Variants in CDC14B observed in about 807,000 individuals in gnomAD.
CDC14B encodes cell division cycle 14B.
CDC14B carries 22 observed loss-of-function variants against 64.2 expected under a neutral mutation model. That is an observed-to-expected ratio of 0.34 (90% CI 0.24 to 0.49). CDC14B has a LOEUF of 0.49. CDC14B is among the 20% of genes least tolerant of loss of function. The pLI, the probability that CDC14B is intolerant of heterozygous loss-of-function variation, is 0.99. For missense variants in CDC14B, 498 were observed against 629.9 expected (o/e 0.79, Z 2.24); for synonymous variants, 191 against 215.8 (o/e 0.89, Z 1.01).
intron 3 of CDC14B, among the ~76,000 whole-genome samples, chr9:96,563,822 A>G (rs1375226873): frequency 6.6e-6 from 1 of 152,172 alleles, no homozygotes; most frequent in Non-Finnish European, 1.5e-5. Context: ...TTAGCTTCCT[A>G]GTCCTGCATG....
intron 7 of CDC14B, among the ~76,000 whole-genome samples, chr9:96,536,318 T>C (rs1330269826): frequency 1.3e-5 from 2 of 152,322 alleles, no homozygotes; most frequent in South Asian, 2.1e-4. Context: ...AGTGCCTATA[T>C]TATTCATTAA....
At chr9:96,560,582 C>CTTTTTTTTTTTTTTTTTTT (rs373160930) in intron 4 of CDC14B, among the ~76,000 whole-genome samples, 1 of 127,692 alleles carries the variant, frequency 7.8e-6, no homozygotes, top group African/African-American at 3.2e-5. Context: ...TTTTCTCTTT[C>CTTTTTTTTTTTTTTTTTTT]TCTTTTTTTT....
At chr9:96,540,570 A>G (rs539919148) in intron 6 of CDC14B, among the ~76,000 whole-genome samples, 1 of 152,080 alleles carries the variant, frequency 6.6e-6, no homozygotes, top group African/African-American at 2.4e-5. Context: ...GACCTATCGT[A>G]CCAGCTAATT....
intron 1 of CDC14B, chr9:96,566,836 G>T: frequency 6.3e-7 from 1 of 1,599,680 alleles, no homozygotes. Flanking sequence ...GCATCTGGAA[G>T]GCGGGGCAGA....
At chr9:96,543,450 A>C (rs1356653757) in intron 5 of CDC14B, among the ~76,000 whole-genome samples, 1 of 152,198 alleles carries the variant, frequency 6.6e-6, no homozygotes, top group Non-Finnish European at 1.5e-5. Flanking sequence ...CTGATTTTTA[A>C]AGGACAGTAA....
intron 5 of CDC14B, among the ~76,000 whole-genome samples, chr9:96,546,489 G>A (rs1050379897): frequency 6.0e-5 from 9 of 150,962 alleles, no homozygotes; most frequent in African/African-American, 1.2e-4. Context: ...CGCTCTTGTC[G>A]CCCAGGCTGG....
chr9:96,603,128 G>A (rs753538154), intron 1 of CDC14B, among the ~76,000 whole-genome samples: 5 of 149,912 alleles, frequency 3.3e-5, no homozygotes, highest in Non-Finnish European at 7.4e-5. Context: ...TGAGAATAAT[G>A]TGGTGTCATT....
At chr9:96,566,891 C>T (rs1051656436) in intron 1 of CDC14B, 5 of 1,553,388 alleles carry the variant, frequency 3.2e-6, no homozygotes, top group Non-Finnish European at 3.5e-6. Flanking sequence ...CGCGACCACA[C>T]CCCCGAAGTT....
intron 4 of CDC14B, among the ~76,000 whole-genome samples, chr9:96,552,584 G>A (rs550947489): frequency 1.7e-4 from 26 of 151,818 alleles, no homozygotes; most frequent in Middle Eastern, 3.4e-3. Flanking sequence ...TCTAGATAAC[G>A]TTCTCATGTC....
Position 96,515,566 on chromosome 9 carries a change from G to T in CDC14B, c.1344-5777C>A. ...AGGCAAACCAACAAAGCTAGGAGCT[G>T]ACAAGGAGAAAAACATGCATTGTGG... On this transcript the variant is annotated intron_variant, in intron 12 of 13. Coordinates refer to ENST00000375241, the MANE Select transcript of CDC14B (RefSeq NM_033331.4). The surrounding 1 kb of genome is among the most constrained non-coding windows in gnomAD (Gnocchi z 4.3). 7.5e-7 allele frequency: 1 copy of T among 1,328,198 alleles called. No individual in the cohort carries two copies. Among genetic ancestry groups the T allele is most frequent in the Non-Finnish European group, 1.0e-6 (1 of 1,002,790 alleles). The allele number at this position is 1,328,198 out of a possible 1,614,324, so 82.3% of individuals were successfully genotyped here.
chr9:96,512,769 C>T (rs1835089539), intron 12 of CDC14B, among the ~76,000 whole-genome samples: 1 of 152,208 alleles, frequency 6.6e-6, no homozygotes, highest in Non-Finnish European at 1.5e-5. Context: ...CAGGCCGGGG[C>T]ACTCGTGCTG....
At chr9:96,605,965 C>CT (rs1385396260) in intron 1 of CDC14B, among the ~76,000 whole-genome samples, 1 of 151,938 alleles carries the variant, frequency 6.6e-6, no homozygotes, top group East Asian at 1.9e-4. Flanking sequence ...AAAAAATTGG[C>CT]TTTTTCTAAA....
At chr9:96,580,365 G>A (rs1473171276) in intron 1 of CDC14B, among the ~76,000 whole-genome samples, 1 of 151,920 alleles carries the variant, frequency 6.6e-6, no homozygotes, top group Non-Finnish European at 1.5e-5. Context: ...CCGAGTAGCT[G>A]GGATTACAAG....
Position 96,577,652 on chromosome 9 carries a change from C to T in CDC14B, c.161-12169G>A, listed in dbSNP as rs370970664. Among the ~76,000 whole-genome samples, 7 of 152,154 alleles carry T rather than the reference C, an allele frequency of 4.6e-5. No homozygotes were observed. In the East Asian group the frequency reaches 1.2e-3, roughly 25 times the overall value. On this transcript the variant is annotated intron_variant, in intron 1 of 13. Coordinates refer to ENST00000375241, the MANE Select transcript of CDC14B (RefSeq NM_033331.4). ...ACTAATCCATGGTGCCAAGACCCCA[C>T]CGAACTCTCCCTCTATCCTGCAGCA...
chr9:96,507,064 C>A (rs1394291230), intron 13 of CDC14B, among the ~76,000 whole-genome samples: 1 of 152,184 alleles, frequency 6.6e-6, no homozygotes, highest in African/African-American at 2.4e-5. Context: ...GGGGCTGAGG[C>A]AGGTGGACCA....
intron 5 of CDC14B, among the ~76,000 whole-genome samples, chr9:96,546,960 G>C: frequency 6.6e-6 from 1 of 152,020 alleles, no homozygotes; most frequent in East Asian, 2.0e-4. Context: ...TACTTGGGAG[G>C]CTGAGGCAGG....
At chr9:96,533,845 TA>T in intron 9 of CDC14B, 81 bp downstream of exon 9, 1 of 817,534 alleles carries the variant, frequency 1.2e-6, no homozygotes, top group Non-Finnish European at 1.8e-6. Flanking sequence ...TTCTGACACA[TA>T]AACTAAATGA....
At chr9:96,612,587 T>C (rs1847390505) in intron 1 of CDC14B, among the ~76,000 whole-genome samples, 1 of 152,266 alleles carries the variant, frequency 6.6e-6, no homozygotes, top group African/African-American at 2.4e-5. Flanking sequence ...GCCTAGTGGC[T>C]AGCTTAGCTG....
intron 9 of CDC14B, among the ~76,000 whole-genome samples, chr9:96,531,915 T>TC (rs1488375502): frequency 1.3e-5 from 2 of 152,118 alleles, no homozygotes; most frequent in South Asian, 4.1e-4. Context: ...CCTAAAAGAC[T>TC]CCCCCTTTAG....
Sources: allele counts gnomAD v4.1 joint callset (sites outside exome capture counted in the v4.1 genomes callset), GRCh38; gene constraint gnomAD v4.1.1; non-coding constraint Gnocchi (gnomAD v3.1); transcripts MANE v1.5; gene names NCBI Gene and HGNC (gene_info 2026-07-23, HGNC 2026-07-21).